Variants in ASXL3 observed in about 807,000 individuals in gnomAD.
The protein encoded by ASXL3 is putative Polycomb group protein ASXL3.
ASXL3 carries 34 observed loss-of-function variants against 170.6 expected under a neutral mutation model. The ratio of observed to expected loss-of-function variants is 0.20; its 90% confidence interval spans 0.15 to 0.27. The LOEUF (loss-of-function observed/expected upper bound fraction) is 0.27. ASXL3 is among the 10% of genes least tolerant of loss of function. The pLI is 1.00. For missense variants in ASXL3, 2,592 were observed against 2,695.3 expected (o/e 0.96, Z 0.85); for synonymous variants, 1,002 against 989.1 (o/e 1.01, Z -0.24).
intron 2 of ASXL3, among the ~76,000 whole-genome samples, chr18:33,622,453 A>C (rs1278037167): frequency 6.6e-6 from 1 of 152,198 alleles, no homozygotes; most frequent in Non-Finnish European, 1.5e-5. Flanking sequence ...AGATCCAAGA[A>C]ATTAGCTGTT....
intron 2 of ASXL3, among the ~76,000 whole-genome samples, chr18:33,632,318 A>G (rs920243913): frequency 2.6e-5 from 4 of 152,136 alleles, no homozygotes; most frequent in African/African-American, 9.7e-5. Flanking sequence ...TAAAGAACTC[A>G]CATCAGTCAT....
chr18:33,739,196 C>G lies in ASXL3; in HGVS notation c.1792C>G (p.Pro598Ala). Reference sequence around the variant, plus strand: ...TATAGATATGGAGCTACAGAGTGACCCTGAAGAACAGCTTTCAGAAAATGC... The same window carrying G: ...TATAGATATGGAGCTACAGAGTGACGCTGAAGAACAGCTTTCAGAAAATGC... ...IAIDMELQSD[P>A]EEQLSENACI... is the part of the protein sequence containing the mutation. Residue 598 changes from proline (P) to alanine (A), a missense_variant, in exon 11 of 12, where the codon CCT becomes GCT. Physicochemically the swap from Pro to Ala is conservative, Grantham distance 27. Around this residue, in one of 4 missense-constraint regions of ASXL3, gnomAD observed 2,246 missense variants for 2,219.6 expected, o/e 1.01. Transcript: ENST00000269197. 6.2e-7 allele frequency: 1 copy of G among 1,613,822 alleles called. No homozygotes were observed. Among genetic ancestry groups the G allele is most frequent in the Non-Finnish European group, 8.5e-7 (1 of 1,179,846 alleles).
intron 5 of ASXL3, among the ~76,000 whole-genome samples, chr18:33,663,451 C>T (rs547253764): frequency 1.4e-4 from 22 of 152,134 alleles, no homozygotes; most frequent in African/African-American, 5.1e-4. Flanking sequence ...ATTATTTGAA[C>T]ATTTTTTACG....
At chr18:33,662,052 A>G (rs972118817) in intron 5 of ASXL3, among the ~76,000 whole-genome samples, 4 of 152,210 alleles carry the variant, frequency 2.6e-5, no homozygotes, top group African/African-American at 9.7e-5. Flanking sequence ...AATGCATTGC[A>G]TATTTAAAAA....
At chr18:33,587,272 C>T (rs2065042519) in intron 1 of ASXL3, among the ~76,000 whole-genome samples, 1 of 152,056 alleles carries the variant, frequency 6.6e-6, no homozygotes, top group Non-Finnish European at 1.5e-5. Context: ...CCACACAACC[C>T]CTGCAATCTT....
At chr18:33,672,262 T>A (rs2066354998) in intron 7 of ASXL3, among the ~76,000 whole-genome samples, 1 of 152,130 alleles carries the variant, frequency 6.6e-6, no homozygotes, top group Non-Finnish European at 1.5e-5. Context: ...AACTGGAGAG[T>A]ACATTGTCAG....
intron 8 of ASXL3, among the ~76,000 whole-genome samples, chr18:33,725,965 C>A (rs1451350056): frequency 1.3e-5 from 2 of 152,144 alleles, no homozygotes; most frequent in East Asian, 3.9e-4. Flanking sequence ...GTTCCGCTTG[C>A]TCTTGATGCT....
chr18:33,644,631 G>C (rs982829989), intron 2 of ASXL3, among the ~76,000 whole-genome samples: 2 of 151,678 alleles, frequency 1.3e-5, no homozygotes, highest in Non-Finnish European at 2.9e-5. Context: ...ATGAATAAAA[G>C]CATAATTTCA....
At position 33,739,653 on chromosome 18, in the gene ASXL3, C is replaced by T. The variant is rs964738297; in HGVS notation, c.2249C>T (p.Ser750Leu). Residue 750 changes from serine (S) to leucine (L), a missense_variant, in exon 11 of 12, where the codon TCA becomes TTA. Transcript: ENST00000269197. ...TTFVSSLPLP[S>L]ETSPISNSSI... Reference sequence around the variant, plus strand: ...TTTGTATCCAGTTTGCCACTTCCTTCAGAAACATCTCCAATTTCCAACTCT... The same window carrying T: ...TTTGTATCCAGTTTGCCACTTCCTTTAGAAACATCTCCAATTTCCAACTCT... 1 of 1,613,932 alleles carries T rather than the reference C, an allele frequency of 6.2e-7. No individual in the cohort carries two copies. Among genetic ancestry groups the T allele is most frequent in the Non-Finnish European group, 8.5e-7 (1 of 1,179,848 alleles).
chr18:33,602,956 C>G (rs2065200466), intron 1 of ASXL3, among the ~76,000 whole-genome samples: 1 of 152,088 alleles, frequency 6.6e-6, no homozygotes, highest in African/African-American at 2.4e-5. Context: ...CATCTGAACA[C>G]TTTAATGAAC....
intron 2 of ASXL3, among the ~76,000 whole-genome samples, chr18:33,623,712 T>C (rs535409334): frequency 1.3e-5 from 2 of 152,288 alleles, no homozygotes; most frequent in African/African-American, 4.8e-5. Context: ...ATAAGAAATA[T>C]TAAAATATCT....
chr18:33,591,877 G>T (rs556231401), intron 1 of ASXL3, among the ~76,000 whole-genome samples: 1 of 151,436 alleles, frequency 6.6e-6, no homozygotes, highest in East Asian at 1.9e-4. Context: ...TCCTGACCTC[G>T]TGATCCGCCT....
chr18:33,657,710 G>C (rs548480095), intron 4 of ASXL3, among the ~76,000 whole-genome samples: 55 of 152,112 alleles, frequency 3.6e-4, no homozygotes, highest in African/African-American at 1.2e-3. Flanking sequence ...ACCTCCTTTT[G>C]CTCCCTGATC....
chr18:33,643,787 T>TA lies in ASXL3; in HGVS notation c.138-1106dup, dbSNP rs375451459. 4.5e-3 allele frequency among the ~76,000 whole-genome samples: 685 copies of TA among 151,980 alleles called. 5 individuals carry two copies. The highest frequency in any genetic ancestry group is 7.5e-3 in the Non-Finnish European group (508 of 67,824). ...AAATTTGAAGTTAGAATTCTGAACT[T>TA]ACGAATTCAAAGTTTGAAAGCTTCA... On this transcript the variant is annotated intron_variant, in intron 2 of 11. Coordinates refer to ENST00000269197, the MANE Select transcript of ASXL3 (RefSeq NM_030632.3).
At chr18:33,645,905 G>C (rs1242498614) in intron 3 of ASXL3, among the ~76,000 whole-genome samples, 1 of 151,690 alleles carries the variant, frequency 6.6e-6, no homozygotes, top group Non-Finnish European at 1.5e-5. Flanking sequence ...GTAGCAAGTT[G>C]GGTATTTAAG....
rs558089574 is a variant in ASXL3 at position 33,606,985 on chromosome 18, A to G, written c.55-609A>G. Among the ~76,000 whole-genome samples the G allele has an allele frequency of 2.6e-5, 4 of 152,144 alleles. No individual in the cohort carries two copies. In the East Asian group the frequency reaches 7.7e-4, roughly 29 times the overall value. On this transcript the variant is annotated intron_variant, in intron 1 of 11. Transcript: ENST00000269197. ...TAGGGCAGAAGAGGAGAGAAAGAGA[A>G]TGGGACTGAGTTCATATGACTGAGA...
At chr18:33,719,626 C>A (rs918490076) in intron 8 of ASXL3, among the ~76,000 whole-genome samples, 6 of 151,926 alleles carry the variant, frequency 3.9e-5, no homozygotes, top group South Asian at 2.1e-4. Flanking sequence ...ATGTTGAAAT[C>A]CTAACTCCCA....
rs568543128 is a variant in ASXL3, at chr18:33,738,343, T to C, written c.1083-144T>C. The C allele has an allele frequency of 2.1e-4, 175 of 843,420 alleles. 2 individuals are homozygous for C. In the East Asian group the frequency reaches 4.7e-3, roughly 22 times the overall value. 52.2% of individuals were successfully genotyped at this position (843,420 alleles called of 1,614,324 possible). ...GCAAAGAAACATCATCATTGTAAAC[T>C]GGTTTACATAAATTAAGCATGTTAA... On this transcript the variant is annotated intron_variant, in intron 10 of 11. Transcript: ENST00000269197.
intron 7 of ASXL3, among the ~76,000 whole-genome samples, chr18:33,683,160 A>G (rs2066540478): frequency 6.6e-6 from 1 of 152,212 alleles, no homozygotes; most frequent in South Asian, 2.1e-4. Flanking sequence ...CTTTGAGCTA[A>G]AAGTAGAGAA....
Sources: gnomAD v4.1 joint callset for allele counts (sites outside exome capture counted in the v4.1 genomes callset) on GRCh38, gnomAD v4.1.1 for gene constraint, gnomAD v4.1.1 regional missense constraint, MANE v1.5 for transcripts, NCBI Gene and HGNC (gene_info 2026-07-23, HGNC 2026-07-21) for gene names.